PITPNB: variants seen among roughly 807,000 people sequenced by gnomAD.
PITPNB encodes phosphatidylinositol transfer protein beta.
PITPNB carries 16 observed loss-of-function variants against 45.9 expected under a neutral mutation model. The ratio of observed to expected loss-of-function variants is 0.35; its 90% confidence interval spans 0.24 to 0.53. PITPNB has a LOEUF of 0.53. Among genes scored for constraint, PITPNB ranks in the 20% least tolerant of loss-of-function variants. The probability of loss-of-function intolerance (pLI) is 0.93; values close to 1 mark genes in which losing one functional copy is unlikely to be tolerated. For synonymous variants in PITPNB, 112 were observed against 108.9 expected (o/e 1.03, Z -0.18); for missense variants, 188 against 330.5 (o/e 0.57, Z 3.34).
rs578159149 is a variant in PITPNB, at chr22:27,919,227, A to ACCGCCG, written c.-42_-37dup. The ACCGCCG allele has an allele frequency of 4.7e-4, 739 of 1,569,360 alleles. No homozygotes were observed. The African/African-American group carries it at 5.7e-3, about 12-fold the overall frequency. ...CCCCCTCACAGCTGCCGCCGATACCACCGCCGCCGCCGCCGCTACCGCCTC... is the reference window on the plus strand; with the variant it reads ...CCCCCTCACAGCTGCCGCCGATACCACCGCCGCCGCCGCCGCCGCCGCTACCGCCTC... On this transcript the variant is annotated 5_prime_UTR_variant, in exon 1 of 12. Coordinates refer to ENST00000335272, the MANE Select transcript of PITPNB (RefSeq NM_012399.5).
In PITPNB at chr22:27,854,985, T is replaced by C. The variant is rs1320154085; in HGVS notation, c.769-46A>G. On this transcript the variant is annotated intron_variant, in intron 10 of 11. Coordinates refer to ENST00000335272, the MANE Select transcript of PITPNB (RefSeq NM_012399.5). ...TGAGCTGCTGAAATCAGACTCTAAATAGGGGTTAGTAAGCAAGGGGAGAAA... is the reference window on the plus strand; with the variant it reads ...TGAGCTGCTGAAATCAGACTCTAAACAGGGGTTAGTAAGCAAGGGGAGAAA... The C allele has an allele frequency of 6.0e-6, 8 of 1,325,188 alleles. No homozygotes were observed. In the Admixed American group the frequency reaches 8.4e-5, roughly 14 times the overall value. The allele number at this position is 1,325,188 out of a possible 1,614,324, so 82.1% of individuals were successfully genotyped here.
chr22:27,901,406 C>T (rs1324838583), intron 3 of PITPNB, among the ~76,000 whole-genome samples: 1 of 152,184 alleles, frequency 6.6e-6, no homozygotes, highest in Non-Finnish European at 1.5e-5. Flanking sequence ...CCACCCTTCT[C>T]CTTCCCACTG....
At chr22:27,911,752 T>G (rs1263860649) in intron 2 of PITPNB, among the ~76,000 whole-genome samples, 1 of 152,200 alleles carries the variant, frequency 6.6e-6, no homozygotes, top group Non-Finnish European at 1.5e-5. Context: ...CAGAAATGGT[T>G]CATTGTGAGT....
intron 6 of PITPNB, among the ~76,000 whole-genome samples, chr22:27,895,858 T>C (rs1158820793): frequency 6.6e-6 from 1 of 152,168 alleles, no homozygotes; most frequent in East Asian, 1.9e-4. Flanking sequence ...AGTATTTGCA[T>C]TTCAAACAAG....
intron 7 of PITPNB, among the ~76,000 whole-genome samples, chr22:27,876,152 T>A (rs1256543985): frequency 1.3e-5 from 2 of 152,162 alleles, no homozygotes; most frequent in Admixed American, 1.3e-4. Flanking sequence ...TCAATCCTCC[T>A]TAGCCTCAGT....
chr22:27,869,659 CA>C (rs2146361083), intron 8 of PITPNB, among the ~76,000 whole-genome samples: 1 of 152,226 alleles, frequency 6.6e-6, no homozygotes, highest in African/African-American at 2.4e-5. Context: ...ATCATAAATA[CA>C]GGGGCACATT....
chr22:27,908,696 C>G (rs903092482), intron 3 of PITPNB, among the ~76,000 whole-genome samples: 2 of 151,812 alleles, frequency 1.3e-5, no homozygotes, highest in African/African-American at 4.8e-5. Context: ...TAAGCAAATT[C>G]AAAACTTTAA....
chr22:27,863,760 C>T (rs1490111550), intron 8 of PITPNB, among the ~76,000 whole-genome samples: 19 of 152,088 alleles, frequency 1.2e-4, no homozygotes, highest in Non-Finnish European at 1.5e-5. Flanking sequence ...ACAAATATGC[C>T]TACACTAAAC....
At position 27,911,155 on chromosome 22, in the gene PITPNB, G is replaced by A. The variant is rs368039506; in HGVS notation, c.52-46C>T. 4.1e-6 allele frequency: 6 copies of A among 1,456,298 alleles called. No individual in the cohort carries two copies. The Admixed American group carries it at 5.1e-5, about 12-fold the overall frequency. The allele number at this position is 1,456,298 out of a possible 1,614,324, so 90.2% of individuals were successfully genotyped here. On this transcript the variant is annotated intron_variant, in intron 2 of 11. Transcript: ENST00000335272. Reference sequence around the variant, plus strand: ...GAAACTGAGTAAGTCAGTAGTAACTGCAGAAATTTAGTATGCTAAAATCTT... The same window carrying A: ...GAAACTGAGTAAGTCAGTAGTAACTACAGAAATTTAGTATGCTAAAATCTT...
chr22:27,881,565 T>C (rs898913337), intron 7 of PITPNB, among the ~76,000 whole-genome samples: 5 of 152,180 alleles, frequency 3.3e-5, no homozygotes, highest in Admixed American at 1.3e-4. Context: ...TTGGCAACCA[T>C]AGGCCCGGCT....
At chr22:27,882,748 T>C (rs745908784) in intron 7 of PITPNB, among the ~76,000 whole-genome samples, 2 of 152,234 alleles carry the variant, frequency 1.3e-5, no homozygotes, top group African/African-American at 2.4e-5. Context: ...GTATCAGCTG[T>C]AAGGAAAAAT....
chr22:27,906,374 A>C lies in PITPNB; in HGVS notation c.197+4590T>G, dbSNP rs141308931. Among the ~76,000 whole-genome samples the C allele has an allele frequency of 3.1e-4, 47 of 152,362 alleles. No individual in the cohort carries two copies. The East Asian group carries it at 7.1e-3, about 23-fold the overall frequency. ...AGACTTTAGACGTTAAAGACTTCAG[A>C]GAAAGTAAGAGATGGTGAAACCTGT... On this transcript the variant is annotated intron_variant, in intron 3 of 11. Coordinates refer to ENST00000335272, the MANE Select transcript of PITPNB (RefSeq NM_012399.5).
intron 8 of PITPNB, among the ~76,000 whole-genome samples, chr22:27,867,333 G>A (rs139163277): frequency 2.1e-4 from 32 of 152,286 alleles, no homozygotes; most frequent in Non-Finnish European, 4.1e-4. Flanking sequence ...GAAGGTCATC[G>A]GCAAGACTCT....
chr22:27,878,123 T>C (rs976882254), intron 7 of PITPNB, among the ~76,000 whole-genome samples: 1 of 152,222 alleles, frequency 6.6e-6, no homozygotes, highest in Non-Finnish European at 1.5e-5. Context: ...AATGCATGGG[T>C]ATTGCAGTTC....
chr22:27,904,028 T>C (rs1310159308), intron 3 of PITPNB, among the ~76,000 whole-genome samples: 3 of 152,076 alleles, frequency 2.0e-5, no homozygotes, highest in African/African-American at 7.2e-5. Context: ...GCTGATAACA[T>C]TATAAAGTGG....
At chr22:27,859,288 A>G (rs997420310) in intron 9 of PITPNB, among the ~76,000 whole-genome samples, 8 of 152,358 alleles carry the variant, frequency 5.3e-5, no homozygotes, top group Admixed American at 2.6e-4. Flanking sequence ...GCTGACTGTA[A>G]GCAGGCCCAT....
intron 7 of PITPNB, among the ~76,000 whole-genome samples, chr22:27,883,660 T>C (rs1935036285): frequency 6.6e-6 from 1 of 152,208 alleles, no homozygotes; most frequent in Non-Finnish European, 1.5e-5. Flanking sequence ...TGAGTCCTAA[T>C]AAAGGCTTTG....
chr22:27,857,269 T>C (rs1934200340), intron 10 of PITPNB, among the ~76,000 whole-genome samples: 1 of 152,180 alleles, frequency 6.6e-6, no homozygotes, highest in South Asian at 2.1e-4. Context: ...ACAAAATCCA[T>C]TCATAAGTTG....
At chr22:27,897,379 GAAT>G (rs1355182647) in intron 4 of PITPNB, among the ~76,000 whole-genome samples, 1 of 152,122 alleles carries the variant, frequency 6.6e-6, no homozygotes, top group African/African-American at 2.4e-5. Flanking sequence ...ATGCTAAAAA[GAAT>G]AATAATGTCA....
Sources: allele counts gnomAD v4.1 joint callset (sites outside exome capture counted in the v4.1 genomes callset), GRCh38; gene constraint gnomAD v4.1.1; transcripts MANE v1.5; gene names NCBI Gene and HGNC (gene_info 2026-07-23, HGNC 2026-07-21).